The following NLRP3 variants were observed in gnomAD, a reference collection of about 807,000 sequenced individuals.
NLRP3 encodes the protein NLR family pyrin domain containing 3.
A neutral mutation model predicts 91.3 loss-of-function variants in NLRP3; 48 were observed. That is an observed-to-expected ratio of 0.53 (90% CI 0.42 to 0.67). NLRP3 has a LOEUF of 0.67. Ranked by LOEUF, NLRP3 falls within the 30% of genes least tolerant of loss-of-function variation. The probability of loss-of-function intolerance (pLI) is 0.00; values close to 1 mark genes in which losing one functional copy is unlikely to be tolerated. For synonymous variants in NLRP3, 561 were observed against 507.9 expected, an observed-to-expected ratio of 1.10 and a Z score of -1.41; for missense variants, 982 against 1,276.9, an observed-to-expected ratio of 0.77 and a Z score of 3.52.
In NLRP3 at chr1:247,429,712, T is replaced by C. The variant is rs774409140; in HGVS notation, c.2278T>C (p.Cys760Arg). ...GGGGGACCCAGGGATGAGAGTGTTGTGTGAAACGCTCCAGCATCCTGGCTG... is the reference window on the plus strand; with the variant it reads ...GGGGGACCCAGGGATGAGAGTGTTGCGTGAAACGCTCCAGCATCCTGGCTG... ...SLGDPGMRVL[C>R]ETLQHPGCNI... Residue 760 changes from cysteine to arginine, a missense_variant, in exon 5 of 10, where the codon TGT becomes CGT. Physicochemically the swap from Cys to Arg is radical, Grantham distance 180. This residue lies in a region of NLRP3 where 373 missense variants were observed against 431.5 expected (regional missense o/e 0.86). Transcript: ENST00000336119. 3.7e-6 allele frequency: 6 copies of C among 1,614,104 alleles called. No individual in the cohort carries two copies. Among genetic ancestry groups the C allele is most frequent in the Non-Finnish European group, 5.1e-6 (6 of 1,179,990 alleles).
chr1:247,429,312 C>T (rs931272255), intron 4 of NLRP3, among the ~76,000 whole-genome samples: 13 of 152,074 alleles, frequency 8.5e-5, no homozygotes, highest in African/African-American at 1.2e-4. Context: ...CTGGTAAGGG[C>T]GAGAGGAGGA....
At chr1:247,433,741 T>A (rs11810980) in intron 5 of NLRP3, among the ~76,000 whole-genome samples, 73 of 76,596 alleles carry the variant, frequency 9.5e-4, no homozygotes, top group African/African-American at 1.7e-3. Flanking sequence ...GTCCTGATGC[T>A]TTCTCTATTC....
Position 247,416,773 on chromosome 1 carries a change from G to A in NLRP3, c.-749+580G>A, listed in dbSNP as rs945737400. Among the ~76,000 whole-genome samples the A allele has an allele frequency of 2.6e-5, 4 of 152,120 alleles. 1 individual carries two copies. Among genetic ancestry groups the A allele is most frequent in the South Asian group, 4.1e-4 (2 of 4,828 alleles). ...GCTGGGTTTGCAGGGCTCAGGAGGC[G>A]AGGAGTAGATAGGCAGGAATGGAGA... is the stretch of plus-strand genomic sequence containing the variant. On this transcript the variant is annotated intron_variant, in intron 1 of 9. Transcript: ENST00000336119.
intron 6 of NLRP3, among the ~76,000 whole-genome samples, chr1:247,435,503 T>C (rs964980875): frequency 2.0e-5 from 3 of 152,110 alleles, no homozygotes; most frequent in Non-Finnish European, 4.4e-5. Flanking sequence ...TTATAGGAGG[T>C]GTCTAGAACA....
intron 5 of NLRP3, among the ~76,000 whole-genome samples, chr1:247,430,729 G>C (rs567101785): frequency 3.3e-5 from 5 of 151,954 alleles, no homozygotes; most frequent in African/African-American, 1.2e-4. Context: ...TGGAGAATTT[G>C]CCATTTACAA....
intron 4 of NLRP3, among the ~76,000 whole-genome samples, chr1:247,428,324 C>A (rs1414954505): frequency 6.6e-6 from 1 of 152,270 alleles, no homozygotes. Context: ...AGCTGCCTTA[C>A]TCTGAGGGCA....
intron 2 of NLRP3, 85 bp downstream of exon 2, chr1:247,419,162 A>ATTT (rs1209804180): frequency 3.7e-3 from 926 of 247,424 alleles, no homozygotes; most frequent in Non-Finnish European, 4.4e-3. Context: ...ATATATATAT[A>ATTT]TATTTTTTTT....
At chr1:247,431,507 T>G (rs1207987194) in intron 5 of NLRP3, among the ~76,000 whole-genome samples, 1 of 152,176 alleles carries the variant, frequency 6.6e-6, no homozygotes, top group Non-Finnish European at 1.5e-5. Flanking sequence ...CCAGCAACTG[T>G]CACCACTTGC....
At position 247,424,824 on chromosome 1, in the gene NLRP3, G is replaced by C. The variant is rs939724059; in HGVS notation, c.1375G>C (p.Gly459Arg). The change falls in exon 4 of 10, where the codon GGC (glycine) becomes CGC (arginine). Residue 459 changes from glycine (G) to arginine (R), a missense_variant. Transcript: ENST00000336119. This position sits in a 1 kb window ranked among gnomAD's most constrained non-coding sequence, Gnocchi z 8.1. ...LQPRGGSQEH[G>R]LCAHLWGLCS... ...GCCCCGGGGAGGGAGCCAGGAGCACGGCCTCTGCGCCCACCTCTGGGGGCT... is the reference window on the plus strand; with the variant it reads ...GCCCCGGGGAGGGAGCCAGGAGCACCGCCTCTGCGCCCACCTCTGGGGGCT... 1 of 1,608,050 alleles carries C rather than the reference G, an allele frequency of 6.2e-7. No homozygotes were observed. Among genetic ancestry groups the C allele is most frequent in the South Asian group, 1.1e-5 (1 of 91,074 alleles).
intron 1 of NLRP3, among the ~76,000 whole-genome samples, chr1:247,417,319 G>A (rs1449796129): frequency 6.6e-6 from 1 of 152,134 alleles, no homozygotes; most frequent in Non-Finnish European, 1.5e-5. Flanking sequence ...AATGGGGCTA[G>A]GAATAGGTGC....
At chr1:247,441,066 C>T (rs1035383353) in intron 7 of NLRP3, among the ~76,000 whole-genome samples, 2 of 81,722 alleles carry the variant, frequency 2.4e-5, no homozygotes, top group African/African-American at 8.3e-5. Context: ...TCTTCTTCTT[C>T]AGATTCCTTC....
chr1:247,437,813 G>A (rs936301970), intron 7 of NLRP3, among the ~76,000 whole-genome samples: 1 of 152,242 alleles, frequency 6.6e-6, no homozygotes, highest in Non-Finnish European at 1.5e-5. Context: ...CACGTTTGGC[G>A]AGTGCCTCTC....
intron 7 of NLRP3, among the ~76,000 whole-genome samples, chr1:247,443,408 G>A (rs1167425969): frequency 1.3e-5 from 2 of 152,300 alleles, no homozygotes; most frequent in Non-Finnish European, 2.9e-5. Context: ...GGCGCAGGAA[G>A]GCGGGAGGTG....
At position 247,448,646 on chromosome 1, in the gene NLRP3, C is replaced by G. The variant is rs934305618; in HGVS notation, c.*142C>G. The G allele has an allele frequency of 1.1e-5, 8 of 704,314 alleles. No homozygotes were observed. The highest frequency in any genetic ancestry group is 2.9e-5 in the South Asian group (2 of 68,476). The allele number at this position is 704,314 out of a possible 1,614,324, so 43.6% of individuals were successfully genotyped here. On this transcript the variant is annotated 3_prime_UTR_variant, in exon 10 of 10. Transcript: ENST00000336119. ...TGGAGTGTCGGAGAAGAGAGCTTGC[C>G]GACGATGCCTTCCTGTGCAGAGCTT... is the stretch of plus-strand genomic sequence containing the variant.
At chr1:247,429,853 T>C (rs1312868752) in intron 5 of NLRP3, 98 bp downstream of exon 5, 6 of 1,471,422 alleles carry the variant, frequency 4.1e-6, no homozygotes, top group Non-Finnish European at 5.7e-6. Context: ...AGGTTGCTGG[T>C]GTGGTTTCTT....
chr1:247,418,517 G>C lies in NLRP3; in HGVS notation c.-284G>C. 1 of 427,288 alleles carries C rather than the reference G, an allele frequency of 2.3e-6. No homozygotes were observed. The allele number at this position is 427,288 out of a possible 1,614,324, so 26.5% of individuals were successfully genotyped here. On this transcript the variant is annotated 5_prime_UTR_variant, in exon 2 of 10. Coordinates refer to ENST00000336119, the MANE Select transcript of NLRP3 (RefSeq NM_001243133.2). Reference sequence around the variant, plus strand: ...CAGTTTTGCCATGTTGGCCAGGCTGGTCTTGAATTCCTCAGCTCAGGTGAT... The same window carrying C: ...CAGTTTTGCCATGTTGGCCAGGCTGCTCTTGAATTCCTCAGCTCAGGTGAT...
chr1:247,422,878 C>G (rs1393592066), intron 2 of NLRP3, among the ~76,000 whole-genome samples: 1 of 152,170 alleles, frequency 6.6e-6, no homozygotes, highest in Admixed American at 6.5e-5. Flanking sequence ...CTTGGAGATG[C>G]CCTCACAATC....
chr1:247,448,212 T>C (rs112819557), intron 9 of NLRP3, among the ~76,000 whole-genome samples, 193 bp from the exon 10 acceptor site: 8,947 of 150,204 alleles, frequency 0.06, 411 homozygotes, highest in African/African-American at 0.12. Context: ...GCCATCTTGG[T>C]CTCGGCGGCG....
Position 247,424,952 on chromosome 1 carries a change from G to C in NLRP3, c.1503G>C (p.Leu501=), listed in dbSNP as rs1307180441. The change falls in exon 4 of 10, where the codon CTG becomes CTC. Residue 501 remains leucine, a synonymous_variant. Coordinates refer to ENST00000336119, the MANE Select transcript of NLRP3 (RefSeq NM_001243133.2). The surrounding 1 kb of genome is among the most constrained non-coding windows in gnomAD (Gnocchi z 8.1). ...GLQKADVSAF[L]RMNLFQKEVD... ...AGAAGGCGGATGTGTCTGCTTTCCT[G>C]AGGATGAACCTGTTCCAAAAGGAAG... 2 of 1,614,090 alleles carry C rather than the reference G, an allele frequency of 1.2e-6. No individual in the cohort carries two copies. The highest frequency in any genetic ancestry group is 2.2e-5 in the South Asian group (2 of 91,086).
Sources: gnomAD v4.1 joint callset for allele counts (sites outside exome capture counted in the v4.1 genomes callset) on GRCh38, gnomAD v4.1.1 for gene constraint, gnomAD v4.1.1 regional missense constraint, Gnocchi (gnomAD v3.1) non-coding constraint, MANE v1.5 for transcripts, NCBI Gene and HGNC (gene_info 2026-07-23, HGNC 2026-07-21) for gene names.